The following ZEB1 variants were observed in gnomAD, a reference collection of about 807,000 sequenced individuals.
ZEB1 encodes zinc finger E-box-binding homeobox 1.
ZEB1 carries 21 observed loss-of-function variants against 84.9 expected under a neutral mutation model. The ratio of observed to expected loss-of-function variants is 0.25; its 90% CI spans 0.18 to 0.36. ZEB1 has a LOEUF of 0.36. Among genes scored for constraint, ZEB1 ranks in the 10% least tolerant of loss-of-function variants. The probability of loss-of-function intolerance (pLI) is 1.00; values close to 1 mark genes in which losing one functional copy is unlikely to be tolerated. For missense variants in ZEB1, 1,104 were observed against 1,330.2 expected, an observed-to-expected ratio of 0.83 and a Z score of 2.65; for synonymous variants, 420 against 471.1, an observed-to-expected ratio of 0.89 and a Z score of 1.41.
intron 6 of ZEB1, among the ~76,000 whole-genome samples, chr10:31,519,057 A>G (rs2071746538): frequency 6.6e-6 from 1 of 152,210 alleles, no homozygotes; most frequent in Admixed American, 6.5e-5. Context: ...AATCAGTGTC[A>G]TCACATCTCA....
Position 31,527,088 on chromosome 10 carries a change from G to A in ZEB1, c.3202G>A (p.Glu1068Lys). ...EKPQGDEEEE[E>K]EEEEVEEEEV... ...ACCACAAGGGGATGAGGAAGAGGAG[G>A]AGGAGGAGGAAGAAGTGGAAGAAGA... Residue 1068 changes from glutamate (E) to lysine (K), a missense_variant, in exon 9 of 9, where the codon GAG becomes AAG. By Grantham distance (56) the Glu-to-Lys change is moderately conservative. This residue lies in a region of ZEB1 where 173 missense variants were observed against 167.0 expected (regional missense o/e 1.04). Coordinates refer to ENST00000424869, the MANE Select transcript of ZEB1 (RefSeq NM_001174096.2). 1 of 1,593,556 alleles carries A rather than the reference G, an allele frequency of 6.3e-7. No homozygotes were observed. The highest frequency in any genetic ancestry group is 8.6e-7 in the Non-Finnish European group (1 of 1,168,108).
intron 1 of ZEB1, among the ~76,000 whole-genome samples, chr10:31,335,847 G>A (rs1213003646): frequency 6.6e-6 from 1 of 152,134 alleles, no homozygotes; most frequent in Non-Finnish European, 1.5e-5. Context: ...GATTATCTGT[G>A]TAACCCAGAA....
upstream of ZEB1, chr10:31,318,851 T>C: frequency 3.1e-6 from 1 of 324,774 alleles, no homozygotes; most frequent in African/African-American, 2.2e-5. Context: ...CCGCGGCGGG[T>C]GTGGCCAGCG....
chr10:31,500,005 G>A (rs2067884322), intron 3 of ZEB1, among the ~76,000 whole-genome samples: 1 of 151,972 alleles, frequency 6.6e-6, no homozygotes, highest in African/African-American at 2.4e-5. Context: ...GTTCTGAAAA[G>A]TGTATACTAT....
At chr10:31,446,644 T>C (rs2059820487) in intron 1 of ZEB1, among the ~76,000 whole-genome samples, 1 of 152,154 alleles carries the variant, frequency 6.6e-6, no homozygotes, top group African/African-American at 2.4e-5. Context: ...AAGAATATCT[T>C]TATTTCTGCC....
chr10:31,378,719 A>G (rs1224161535), intron 1 of ZEB1, among the ~76,000 whole-genome samples: 1 of 151,950 alleles, frequency 6.6e-6, no homozygotes. Flanking sequence ...ACACGGTAAA[A>G]GTAAAGTCAA....
chr10:31,436,948 T>C (rs539174677), intron 1 of ZEB1, among the ~76,000 whole-genome samples: 69 of 152,340 alleles, frequency 4.5e-4, no homozygotes, highest in African/African-American at 1.4e-3. Flanking sequence ...TCTGCTTTAT[T>C]GGATATTATT....
At chr10:31,379,709 G>T in intron 1 of ZEB1, among the ~76,000 whole-genome samples, 1 of 128,552 alleles carries the variant, frequency 7.8e-6, no homozygotes, top group Admixed American at 6.9e-5. Flanking sequence ...CCAAAGGCTT[G>T]AATTAAAAAA....
chr10:31,475,239 C>T (rs908241178), intron 2 of ZEB1, among the ~76,000 whole-genome samples: 3 of 151,308 alleles, frequency 2.0e-5, no homozygotes, highest in Admixed American at 1.3e-4. Context: ...ACAAATTAAC[C>T]CAATCAGACA....
chr10:31,366,967 T>G (rs1280205828), intron 1 of ZEB1, among the ~76,000 whole-genome samples: 2 of 152,214 alleles, frequency 1.3e-5, no homozygotes, highest in African/African-American at 4.8e-5. Context: ...ATAATTGCTC[T>G]ACTCACAAAT....
At chr10:31,438,244 T>A (rs2058506628) in intron 1 of ZEB1, among the ~76,000 whole-genome samples, 1 of 152,222 alleles carries the variant, frequency 6.6e-6, no homozygotes, top group Non-Finnish European at 1.5e-5. Context: ...TACCTTCCTT[T>A]TCATTTTATA....
At chr10:31,442,052 T>G (rs957683422) in intron 1 of ZEB1, among the ~76,000 whole-genome samples, 47 of 152,206 alleles carry the variant, frequency 3.1e-4, no homozygotes, top group African/African-American at 1.1e-3. Context: ...GCCATCCCAT[T>G]ACTGGGTATA....
intron 2 of ZEB1, among the ~76,000 whole-genome samples, chr10:31,493,409 A>G (rs542321564): frequency 1.3e-5 from 2 of 152,050 alleles, no homozygotes; most frequent in South Asian, 2.1e-4. Flanking sequence ...TCTCACTTAC[A>G]TATTTGCTTT....
chr10:31,445,458 T>A (rs1409184784), intron 1 of ZEB1, among the ~76,000 whole-genome samples: 1 of 147,320 alleles, frequency 6.8e-6, no homozygotes, highest in African/African-American at 2.6e-5. Context: ...CTATGTTGAA[T>A]AGGAGCGGTG....
intron 1 of ZEB1, among the ~76,000 whole-genome samples, chr10:31,350,181 T>TC (rs149940628): frequency 0.016 from 2,438 of 152,270 alleles, 53 homozygotes; most frequent in African/African-American, 0.055. Context: ...GACTGTTTTT[T>TC]CCCCATTGTG....
At chr10:31,525,040 G>T (rs952953900) in intron 8 of ZEB1, among the ~76,000 whole-genome samples, 2 of 152,134 alleles carry the variant, frequency 1.3e-5, no homozygotes, top group Non-Finnish European at 2.9e-5. Flanking sequence ...GGTAGTTTTT[G>T]ATTTTGTTTT....
chr10:31,382,639 T>C (rs2047899318), intron 1 of ZEB1, among the ~76,000 whole-genome samples: 1 of 152,132 alleles, frequency 6.6e-6, no homozygotes, highest in African/African-American at 2.4e-5. Flanking sequence ...ACAGAGAGAA[T>C]ACCTTTACAT....
At chr10:31,434,494 A>G (rs982614054) in intron 1 of ZEB1, among the ~76,000 whole-genome samples, 3 of 152,268 alleles carry the variant, frequency 2.0e-5, no homozygotes, top group African/African-American at 7.2e-5. Context: ...ATTTCACAGC[A>G]GGATAACCCT....
chr10:31,409,022 C>G (rs1225538133), intron 1 of ZEB1, among the ~76,000 whole-genome samples: 1 of 152,090 alleles, frequency 6.6e-6, no homozygotes, highest in Non-Finnish European at 1.5e-5. Flanking sequence ...TATCCAGAAT[C>G]TACAATGAAC....
Sources: allele counts gnomAD v4.1 joint callset (sites outside exome capture counted in the v4.1 genomes callset), GRCh38; gene constraint gnomAD v4.1.1; regional missense constraint gnomAD v4.1.1; transcripts MANE v1.5; gene names NCBI Gene and HGNC (gene_info 2026-07-23, HGNC 2026-07-21).